PRKAR2A: variants seen among roughly 807,000 people sequenced by gnomAD.
PRKAR2A encodes the protein cAMP-dependent protein kinase type II-alpha regulatory subunit.
In PRKAR2A, 29 loss-of-function variants were observed where a neutral mutation model predicts 51.9. That is an observed-to-expected ratio of 0.56 (90% CI 0.42 to 0.76). The LOEUF is 0.76. PRKAR2A is among the 30% of genes least tolerant of loss of function. PRKAR2A has a pLI of 0.00. For synonymous variants in PRKAR2A, 178 were observed against 186.2 expected, an observed-to-expected ratio of 0.96 and a Z score of 0.36; for missense variants, 445 against 512.1, an observed-to-expected ratio of 0.87 and a Z score of 1.26.
chr3:48,807,043 T>A (rs1330675716), intron 2 of PRKAR2A, among the ~76,000 whole-genome samples: 1 of 152,146 alleles, frequency 6.6e-6, no homozygotes, highest in Admixed American at 6.6e-5. Context: ...AGTACTGGGA[T>A]TATGGGTGTG....
intron 1 of PRKAR2A, among the ~76,000 whole-genome samples, chr3:48,829,551 T>G (rs937428084): frequency 2.4e-4 from 33 of 134,790 alleles, no homozygotes; most frequent in Non-Finnish European, 4.7e-5. Flanking sequence ...AAAAAATATA[T>G]ATGTGTATAT....
intron 5 of PRKAR2A, among the ~76,000 whole-genome samples, chr3:48,775,083 C>T (rs961695470): frequency 6.6e-6 from 1 of 152,060 alleles, no homozygotes; most frequent in Admixed American, 6.6e-5. Flanking sequence ...TTGTCAAATG[C>T]TTTGCTGTAG....
rs896960625 is a variant in PRKAR2A at position 48,747,307 on chromosome 3, G to C, written c.*4278C>G. On this transcript the variant is annotated 3_prime_UTR_variant, in exon 11 of 11. Transcript: ENST00000265563. ...TAAAAGATAAAAGATGACATTCATG[G>C]ATCTTTTTATTTTTCTCTGTGCAAA... 6.6e-6 allele frequency: 1 copy of C among 152,054 alleles called. No individual in the cohort carries two copies. Among genetic ancestry groups the C allele is most frequent in the African/African-American group, 2.4e-5 (1 of 41,386 alleles). The allele number at this position is 152,054 out of a possible 1,614,324, so 9.4% of individuals were successfully genotyped here. A position where few individuals can be genotyped will look rare whatever the true frequency, so the allele number is the denominator to read the frequency against.
rs577195452 is a variant in PRKAR2A at position 48,772,287 on chromosome 3, C to T, written c.696+668G>A. Among the ~76,000 whole-genome samples, 133 of 152,296 alleles carry T rather than the reference C, an allele frequency of 8.7e-4. 7 individuals carry two copies. The South Asian group carries it at 0.027, about 30-fold the overall frequency. ...TTTGAGATGGAGTCTTGCTCAGTCG[C>T]CCAGGCTAGAGTGCAGTGGCGTGAT... On this transcript the variant is annotated intron_variant, in intron 6 of 10. Transcript: ENST00000265563.
chr3:48,785,503 G>A (rs969490046), intron 4 of PRKAR2A, among the ~76,000 whole-genome samples: 33 of 151,804 alleles, frequency 2.2e-4, no homozygotes, highest in Admixed American at 3.9e-4. Context: ...CAGGTAATCC[G>A]CCCGCCTTGG....
At chr3:48,774,048 G>C (rs1009407460) in intron 5 of PRKAR2A, among the ~76,000 whole-genome samples, 1 of 151,900 alleles carries the variant, frequency 6.6e-6, no homozygotes, top group African/African-American at 2.4e-5. Flanking sequence ...GCCCAAGCTG[G>C]TCTGGAACTC....
chr3:48,757,175 A>G (rs1240038654), intron 8 of PRKAR2A, among the ~76,000 whole-genome samples: 1 of 152,184 alleles, frequency 6.6e-6, no homozygotes, highest in Non-Finnish European at 1.5e-5. Flanking sequence ...CACCAAGAAG[A>G]GGGTGGTGAA....
At chr3:48,781,747 G>A (rs188724488) in intron 5 of PRKAR2A, among the ~76,000 whole-genome samples, 168 of 151,830 alleles carry the variant, frequency 1.1e-3, no homozygotes, top group Non-Finnish European at 2.0e-3. Flanking sequence ...TCCTGACCTC[G>A]TGATCTGCCC....
At chr3:48,833,767 G>T (rs1289415925) in intron 1 of PRKAR2A, among the ~76,000 whole-genome samples, 6 of 150,458 alleles carry the variant, frequency 4.0e-5, no homozygotes, top group Non-Finnish European at 7.4e-5. Context: ...CAGGCGCAGT[G>T]GCTCACGCCT....
At chr3:48,806,171 A>T (rs895723856) in intron 2 of PRKAR2A, among the ~76,000 whole-genome samples, 10 of 152,204 alleles carry the variant, frequency 6.6e-5, no homozygotes, top group African/African-American at 1.9e-4. Context: ...TTTTATGTGG[A>T]ATGATAAACG....
chr3:48,830,180 G>A (rs892541738), intron 1 of PRKAR2A, among the ~76,000 whole-genome samples: 14 of 151,028 alleles, frequency 9.3e-5, no homozygotes, highest in African/African-American at 2.4e-5. Context: ...TCCAGCCTGG[G>A]CGACAAGAGC....
At chr3:48,773,560 G>A (rs754066075) in intron 5 of PRKAR2A, among the ~76,000 whole-genome samples, 8 of 151,556 alleles carry the variant, frequency 5.3e-5, no homozygotes, top group Non-Finnish European at 8.8e-5. Context: ...GGATGGTCTC[G>A]ATCTCCTGGC....
chr3:48,829,665 T>C (rs1257493390), intron 1 of PRKAR2A, among the ~76,000 whole-genome samples: 1 of 141,986 alleles, frequency 7.0e-6, no homozygotes, highest in Non-Finnish European at 1.5e-5. Context: ...TACGTGTGTA[T>C]ACACACACAT....
intron 1 of PRKAR2A, among the ~76,000 whole-genome samples, chr3:48,832,296 CA>C (rs75592481): frequency 9.1e-4 from 66 of 72,576 alleles, no homozygotes; most frequent in Non-Finnish European, 1.1e-3. Flanking sequence ...AACTTCATCT[CA>C]AAAAAAAAAA....
chr3:48,804,948 G>A (rs1183400423), intron 2 of PRKAR2A, among the ~76,000 whole-genome samples: 1 of 151,944 alleles, frequency 6.6e-6, no homozygotes, highest in Non-Finnish European at 1.5e-5. Flanking sequence ...ATCTCACTCT[G>A]TCACCCAGGC....
At chr3:48,843,048 C>T (rs543991227) in intron 1 of PRKAR2A, among the ~76,000 whole-genome samples, 84 of 152,272 alleles carry the variant, frequency 5.5e-4, no homozygotes, top group African/African-American at 1.9e-3. Flanking sequence ...TGGTCCTGGA[C>T]TCTTTTTGGT....
At chr3:48,744,837 A>T (rs1166333456), downstream of PRKAR2A, 1 of 152,138 alleles carries the variant, frequency 6.6e-6, no homozygotes, top group Non-Finnish European at 1.5e-5. Flanking sequence ...GCCATGTCAC[A>T]GAGAAGGAAA....
intron 5 of PRKAR2A, among the ~76,000 whole-genome samples, chr3:48,777,407 G>C (rs954657225): frequency 1.3e-5 from 2 of 151,818 alleles, no homozygotes; most frequent in Non-Finnish European, 2.9e-5. Flanking sequence ...TATCCTGTTT[G>C]TATTTTATTT....
intron 2 of PRKAR2A, among the ~76,000 whole-genome samples, chr3:48,801,116 A>G (rs2082583076): frequency 6.6e-6 from 1 of 152,152 alleles, no homozygotes; most frequent in African/African-American, 2.4e-5. Flanking sequence ...AGTAGCTGGG[A>G]TTACAGGCGT....
Sources: gnomAD v4.1 joint callset for allele counts (sites outside exome capture counted in the v4.1 genomes callset) on GRCh38, gnomAD v4.1.1 for gene constraint, MANE v1.5 for transcripts, NCBI Gene and HGNC (gene_info 2026-07-23, HGNC 2026-07-21) for gene names.